NET1: variants seen among roughly 807,000 people sequenced by gnomAD.
NET1 encodes the protein neuroepithelial cell transforming 1.
A neutral mutation model predicts 61.1 loss-of-function variants in NET1; 42 were observed. That is an observed-to-expected ratio of 0.69 (90% CI 0.54 to 0.89). The LOEUF (loss-of-function observed/expected upper bound fraction) is 0.89, where lower values mean the gene tolerates loss of function less well. Ranked by LOEUF, NET1 falls within the 40% of genes least tolerant of loss-of-function variation. The pLI, the probability that NET1 is intolerant of heterozygous loss-of-function variation, is 0.00. For synonymous variants in NET1, 254 were observed against 281.8 expected, an observed-to-expected ratio of 0.90 and a Z score of 0.99; for missense variants, 654 against 747.3, an observed-to-expected ratio of 0.88 and a Z score of 1.46.
intron 1 of NET1, among the ~76,000 whole-genome samples, chr10:5,418,029 T>C (rs182703463): frequency 5.9e-5 from 9 of 152,214 alleles, no homozygotes; most frequent in African/African-American, 2.2e-4. Flanking sequence ...TATAGCTTTT[T>C]TAAATATATT....
rs186768834 is a variant in NET1, at chr10:5,417,377, G to T, written c.128+4557G>T. Among the ~76,000 whole-genome samples, 22 of 152,244 alleles carry T rather than the reference G, an allele frequency of 1.4e-4. No homozygotes were observed. The highest frequency in any genetic ancestry group is 5.1e-4 in the African/African-American group (21 of 41,548). ...GAAATGCCTATCCTCACTTAGGTCC[G>T]TGGGCCCAGGCCTGGGGATGGAGCC... On this transcript the variant is annotated intron_variant, in intron 1 of 11. Coordinates refer to ENST00000355029, the MANE Select transcript of NET1 (RefSeq NM_001047160.3). This position sits in a 1 kb window ranked among gnomAD's most constrained non-coding sequence, Gnocchi z 5.5.
chr10:5,417,579 C>A lies in NET1; in HGVS notation c.128+4759C>A, dbSNP rs1378566249. On this transcript the variant is annotated intron_variant, in intron 1 of 11. Coordinates refer to ENST00000355029, the MANE Select transcript of NET1 (RefSeq NM_001047160.3). This position sits in a 1 kb window ranked among gnomAD's most constrained non-coding sequence, Gnocchi z 5.5. ...AGTTCTAATAGTTTTTTAGTGGTTT[C>A]TTTAGGACTTTCTGTGTACAGGGTC... Among the ~76,000 whole-genome samples, 1 of 152,136 alleles carries A rather than the reference C, an allele frequency of 6.6e-6. No individual in the cohort carries two copies. The highest frequency in any genetic ancestry group is 2.4e-5 in the African/African-American group (1 of 41,444).
In NET1 at chr10:5,412,881, C is replaced by T. The variant is rs1314598777; in HGVS notation, c.128+61C>T. The stretch of plus-strand genomic sequence containing the variant: ...GAGTGTAGGGGAGCGGAGGGCCGAA[C>T]GGGAGGTGAGTGTTGGAGAGGCAAG... On this transcript the variant is annotated intron_variant, in intron 1 of 11. Coordinates refer to ENST00000355029, the MANE Select transcript of NET1 (RefSeq NM_001047160.3). This position sits in a 1 kb window ranked among gnomAD's most constrained non-coding sequence, Gnocchi z 6.5. The T allele has an allele frequency of 1.3e-5, 8 of 635,756 alleles. No individual in the cohort carries two copies. The South Asian group carries it at 3.3e-4, about 26-fold the overall frequency. The allele number at this position is 635,756 out of a possible 1,614,324, so 39.4% of individuals were successfully genotyped here. A position where few individuals can be genotyped will look rare whatever the true frequency, so the allele number is the denominator to read the frequency against.
rs369519490 is a variant in NET1, at chr10:5,422,109, G to A, written c.129-4546G>A. ...TATAATCCCAGCACTTTGGGAGGCCGAGGCGGGTGGATCACCTGAGGTCAG... is the reference window on the plus strand; with the variant it reads ...TATAATCCCAGCACTTTGGGAGGCCAAGGCGGGTGGATCACCTGAGGTCAG... On this transcript the variant is annotated intron_variant, in intron 1 of 11. Transcript: ENST00000355029. This position sits in a 1 kb window ranked among gnomAD's most constrained non-coding sequence, Gnocchi z 4.1. Among the ~76,000 whole-genome samples the A allele has an allele frequency of 2.0e-5, 3 of 152,280 alleles. No homozygotes were observed. The highest frequency in any genetic ancestry group is 2.1e-4 in the South Asian group (1 of 4,822).
chr10:5,430,043 A>T (rs1392554494), intron 3 of NET1, among the ~76,000 whole-genome samples: 1 of 152,122 alleles, frequency 6.6e-6, no homozygotes, highest in Non-Finnish European at 1.5e-5. Flanking sequence ...CAGCAAGTCA[A>T]TTTTTTTCTT....
chr10:5,420,606 T>C lies in NET1; in HGVS notation c.129-6049T>C, dbSNP rs1371519007. Among the ~76,000 whole-genome samples, 3 of 152,128 alleles carry C rather than the reference T, an allele frequency of 2.0e-5. No homozygotes were observed. Among genetic ancestry groups the C allele is most frequent in the Non-Finnish European group, 4.4e-5 (3 of 68,014 alleles). On this transcript the variant is annotated intron_variant, in intron 1 of 11. Transcript: ENST00000355029. This position sits in a 1 kb window ranked among gnomAD's most constrained non-coding sequence, Gnocchi z 5.3. Reference sequence around the variant, plus strand: ...CTTTCTTTTTTATTTTATTTTTTTATTTATTTTTGAGATGGAGTCTTGCTC... The same window carrying C: ...CTTTCTTTTTTATTTTATTTTTTTACTTATTTTTGAGATGGAGTCTTGCTC...
rs923265856 is a variant in NET1 at position 5,417,376 on chromosome 10, C to T, written c.128+4556C>T. ...AGAAATGCCTATCCTCACTTAGGTCCGTGGGCCCAGGCCTGGGGATGGAGC... is the reference window on the plus strand; with the variant it reads ...AGAAATGCCTATCCTCACTTAGGTCTGTGGGCCCAGGCCTGGGGATGGAGC... On this transcript the variant is annotated intron_variant, in intron 1 of 11. Coordinates refer to ENST00000355029, the MANE Select transcript of NET1 (RefSeq NM_001047160.3). The surrounding 1 kb of genome is among the most constrained non-coding windows in gnomAD (Gnocchi z 5.5). Among the ~76,000 whole-genome samples the T allele has an allele frequency of 6.6e-6, 1 of 152,108 alleles. No individual in the cohort carries two copies. The highest frequency in any genetic ancestry group is 1.9e-4 in the East Asian group (1 of 5,184).
rs1225769380 is a variant in NET1, at chr10:5,452,826, A to T, written c.532-32A>T. On this transcript the variant is annotated intron_variant, in intron 5 of 11. Coordinates refer to ENST00000355029, the MANE Select transcript of NET1 (RefSeq NM_001047160.3). The surrounding 1 kb of genome is among the most constrained non-coding windows in gnomAD (Gnocchi z 4.0). ...GTATATAATTTTCCTTTCTCGAAGG[A>T]ATGACCTCTGATGTTTGCTGGATGT... 42 of 1,595,964 alleles carry T rather than the reference A, an allele frequency of 2.6e-5. No individual in the cohort carries two copies. The highest frequency in any genetic ancestry group is 3.6e-5 in the Non-Finnish European group (42 of 1,172,188).
At chr10:5,414,842 A>C (rs1431754617) in intron 1 of NET1, among the ~76,000 whole-genome samples, 2 of 152,164 alleles carry the variant, frequency 1.3e-5, no homozygotes, top group African/African-American at 4.8e-5. Flanking sequence ...TGGATGATAT[A>C]TAGTTTTGAA....
intron 1 of NET1, among the ~76,000 whole-genome samples, chr10:5,419,327 GTT>G (rs371823644): frequency 0.05 from 7,538 of 152,140 alleles, 268 homozygotes; most frequent in Non-Finnish European, 0.073. Flanking sequence ...TGGTTGGTTG[GTT>G]GGTTGGTTGG....
At position 5,451,142 on chromosome 10, in the gene NET1, C is replaced by A. The variant is rs1301520784; in HGVS notation, c.256-688C>A. Among the ~76,000 whole-genome samples the A allele has an allele frequency of 6.6e-6, 1 of 151,970 alleles. No homozygotes were observed. Among genetic ancestry groups the A allele is most frequent in the Non-Finnish European group, 1.5e-5 (1 of 68,010 alleles). ...TCATAAGAGAAGTGCTACTTTTAGC[C>A]CCATTTTATAGATGAGAAAACTGAT... On this transcript the variant is annotated intron_variant, in intron 3 of 11. Transcript: ENST00000355029. This position sits in a 1 kb window ranked among gnomAD's most constrained non-coding sequence, Gnocchi z 6.1.
intron 3 of NET1, among the ~76,000 whole-genome samples, chr10:5,450,968 C>T (rs1832693371): frequency 6.6e-6 from 1 of 152,206 alleles, no homozygotes; most frequent in Non-Finnish European, 1.5e-5. Flanking sequence ...TAATAAATTA[C>T]TGTTTGAGAG....
chr10:5,454,290 G>T lies in NET1; in HGVS notation c.794G>T (p.Gly265Val), dbSNP rs756036110. 2 of 1,613,982 alleles carry T rather than the reference G, an allele frequency of 1.2e-6. No homozygotes were observed. Among genetic ancestry groups the T allele is most frequent in the East Asian group, 2.2e-5 (1 of 44,860 alleles). The change falls in exon 9 of 12, where the codon GGT becomes GTT. Residue 265 changes from glycine (G) to valine (V), a missense_variant. Gly to Val is a moderately radical substitution (Grantham distance 109). Coordinates refer to ENST00000355029, the MANE Select transcript of NET1 (RefSeq NM_001047160.3). This position sits in a 1 kb window ranked among gnomAD's most constrained non-coding sequence, Gnocchi z 8.1. ...TTACCGCGCTTGAATGCCTACAGAG[G>T]TTACTGTAGTAACCAGCTGGCAGCC... ...SWLPRLNAYRGYCSNQLAAKA... is the reference protein window; with the variant it reads ...SWLPRLNAYRVYCSNQLAAKA...
rs1486596335 is a variant in NET1 at position 5,458,592 on chromosome 10, T to C, written c.*1598T>C. On this transcript the variant is annotated 3_prime_UTR_variant, in exon 12 of 12. Coordinates refer to ENST00000355029, the MANE Select transcript of NET1 (RefSeq NM_001047160.3). The surrounding 1 kb of genome is among the most constrained non-coding windows in gnomAD (Gnocchi z 4.5). The stretch of plus-strand genomic sequence containing the variant: ...ATTGTAGTTCAACCTTTGAAATCAT[T>C]GATGAATCAGCGAAAGGTAGGTAAG... The C allele has an allele frequency of 2.6e-5, 4 of 152,608 alleles. No individual in the cohort carries two copies. The highest frequency in any genetic ancestry group is 6.5e-5 in the Admixed American group (1 of 15,278). The allele number at this position is 152,608 out of a possible 1,614,324, so 9.5% of individuals were successfully genotyped here.
intron 1 of NET1, among the ~76,000 whole-genome samples, chr10:5,414,539 G>T (rs1832048240): frequency 6.6e-6 from 1 of 152,212 alleles, no homozygotes; most frequent in African/African-American, 2.4e-5. Context: ...AAATCAGTCT[G>T]CAGTAGTCTA....
rs1025478417 is a variant in NET1 at position 5,443,625 on chromosome 10, A to G, written c.256-8205A>G. 6.6e-6 allele frequency among the ~76,000 whole-genome samples: 1 copy of G among 152,214 alleles called. No homozygotes were observed. Among genetic ancestry groups the G allele is most frequent in the Non-Finnish European group, 1.5e-5 (1 of 68,028 alleles). ...ATCATTCCTTTTTTAGATGCTGTCTACATTTAGACCCCAAACCTGCACATT... is the reference window on the plus strand; with the variant it reads ...ATCATTCCTTTTTTAGATGCTGTCTGCATTTAGACCCCAAACCTGCACATT... On this transcript the variant is annotated intron_variant, in intron 3 of 11. Transcript: ENST00000355029. This position sits in a 1 kb window ranked among gnomAD's most constrained non-coding sequence, Gnocchi z 4.8.
rs948836422 is a variant in NET1, at chr10:5,412,950, G to A, written c.128+130G>A. On this transcript the variant is annotated intron_variant, in intron 1 of 11. Transcript: ENST00000355029. The surrounding 1 kb of genome is among the most constrained non-coding windows in gnomAD (Gnocchi z 6.5). ...GCTGGCCGGGAGTTGGATGTGGGGG[G>A]CGGCGAGTGGGGGTGTTGGTGAGGG... 4 of 753,322 alleles carry A rather than the reference G, an allele frequency of 5.3e-6. No homozygotes were observed. In the African/African-American group the frequency reaches 5.9e-5, roughly 11 times the overall value. 46.7% of individuals were successfully genotyped at this position (753,322 alleles called of 1,614,324 possible).
At chr10:5,418,082 A>G (rs1189437411) in intron 1 of NET1, among the ~76,000 whole-genome samples, 1 of 152,040 alleles carries the variant, frequency 6.6e-6, no homozygotes, top group Non-Finnish European at 1.5e-5. Context: ...ATTTTTGTAT[A>G]TATATTCATA....
chr10:5,456,262 A>G lies in NET1; in HGVS notation c.1373A>G (p.Asn458Ser), dbSNP rs764570797. The G allele has an allele frequency of 6.2e-7, 1 of 1,608,800 alleles. No individual in the cohort carries two copies. Among genetic ancestry groups the G allele is most frequent in the Non-Finnish European group, 8.5e-7 (1 of 1,177,820 alleles). Reference protein sequence around the residue: ...MGGSFRGAFSNSEKAKNIFRI... With the variant: ...MGGSFRGAFSSSEKAKNIFRI... ...GGCTCCTTTCGAGGAGCTTTCAGTA[A>G]CTCAGAGAAAGGTAAAATGCAGGCC... The change falls in exon 11 of 12, where the codon AAC becomes AGC. Residue 458 changes from asparagine (N) to serine (S), a missense_variant. Physicochemically the swap from Asn to Ser is conservative, Grantham distance 46. Transcript: ENST00000355029. This position sits in a 1 kb window ranked among gnomAD's most constrained non-coding sequence, Gnocchi z 7.0.
Sources: gnomAD v4.1 joint callset for allele counts (sites outside exome capture counted in the v4.1 genomes callset) on GRCh38, gnomAD v4.1.1 for gene constraint, Gnocchi (gnomAD v3.1) non-coding constraint, MANE v1.5 for transcripts, NCBI Gene and HGNC (gene_info 2026-07-23, HGNC 2026-07-21) for gene names.